PMPCA: variants seen among roughly 807,000 people sequenced by gnomAD.
The protein encoded by PMPCA is peptidase, mitochondrial processing subunit alpha.
Under a neutral mutation model 59.3 loss-of-function variants are expected in PMPCA, and 47 were observed. The ratio of observed to expected loss-of-function variants is 0.79; its 90% CI spans 0.63 to 1.01. PMPCA has a LOEUF of 1.01. PMPCA is among the 50% of genes least tolerant of loss of function. PMPCA has a pLI of 0.00. For missense variants in PMPCA, 726 were observed against 704.5 expected (o/e 1.03, Z -0.34); for synonymous variants, 338 against 290.3 (o/e 1.16, Z -1.67).
At chr9:136,419,633 A>G (rs1835390875) in intron 11 of PMPCA, 1 of 167,252 alleles carries the variant, frequency 6.0e-6, no homozygotes, top group Admixed American at 5.8e-5. Context: ...CCCAGGCTGG[A>G]GTGCAGTAGC....
At chr9:136,418,214 G>C in intron 8 of PMPCA, 105 bp downstream of exon 8, 1 of 834,534 alleles carries the variant, frequency 1.2e-6, no homozygotes, top group Non-Finnish European at 2.1e-6. Context: ...GATGGGGCGT[G>C]GGCGGCTCAG....
chr9:136,414,317 A>T (rs1210459536), intron 4 of PMPCA, among the ~76,000 whole-genome samples: 2 of 152,180 alleles, frequency 1.3e-5, no homozygotes, highest in African/African-American at 2.4e-5. Context: ...TCCCCGATGA[A>T]GGGTAGGAGG....
rs748168486 is a variant in PMPCA at position 136,412,111 on chromosome 9, G to A, written c.186G>A (p.Gln62=). 6.2e-7 allele frequency: 1 copy of A among 1,613,858 alleles called. No individual in the cohort carries two copies. The highest frequency in any genetic ancestry group is 1.1e-5 in the South Asian group (1 of 91,074). ...PKPVFATVDG[Q]EKFETKVTTL... Reference sequence around the variant, plus strand: ...CTGTTTTTGCTACAGTTGATGGACAGGAAAAGTTTGAAACCAAAGTAACCA... The same window carrying A: ...CTGTTTTTGCTACAGTTGATGGACAAGAAAAGTTTGAAACCAAAGTAACCA... The change falls in exon 2 of 13, where the codon CAG becomes CAA. Residue 62 remains glutamine (Q), a synonymous_variant. Transcript: ENST00000371717.
Position 136,412,474 on chromosome 9 carries a change from T to A in PMPCA, c.275-16T>A. On this transcript the variant is annotated splice_polypyrimidine_tract_variant and intron_variant, in intron 2 of 12. Transcript: ENST00000371717. ...GAATATCTGATGTAACCTGTCAATT[T>A]TCTTTTTACTACTAGTTCTTATCAA... The A allele has an allele frequency of 7.9e-7, 1 of 1,264,222 alleles. No individual in the cohort carries two copies. The highest frequency in any genetic ancestry group is 1.1e-6 in the Non-Finnish European group (1 of 876,680). 78.3% of individuals were successfully genotyped at this position (1,264,222 alleles called of 1,614,324 possible).
At chr9:136,419,232 G>A (rs757302206) in intron 11 of PMPCA, 126 bp downstream of exon 11, 3 of 903,908 alleles carry the variant, frequency 3.3e-6, no homozygotes, top group Non-Finnish European at 5.6e-6. Flanking sequence ...GGCAGGGCAG[G>A]GCAGGGCAGG....
intron 4 of PMPCA, 200 bp downstream of exon 4, chr9:136,413,092 C>G: frequency 1.9e-6 from 1 of 528,776 alleles, no homozygotes; most frequent in East Asian, 3.2e-5. Flanking sequence ...TGACCCCCGT[C>G]AGTTCCTCCA....
chr9:136,422,393 G>A (rs1054122329), intron 12 of PMPCA: 98 of 1,133,232 alleles, frequency 8.6e-5, no homozygotes, highest in Admixed American at 1.7e-4. Flanking sequence ...GGTTTCCGGG[G>A]CCCCCATGAG....
In PMPCA at chr9:136,423,517, G is replaced by C; in HGVS notation, c.*253G>C. On this transcript the variant is annotated 3_prime_UTR_variant, in exon 13 of 13. Transcript: ENST00000371717. ...AGCGCTGGAGTGCAGCGTGCCACGA[G>C]GAGGGCGGTCGGTGCTTCCCTCCTC... The C allele has an allele frequency of 2.1e-6, 1 of 468,516 alleles. No individual in the cohort carries two copies. The highest frequency in any genetic ancestry group is 3.9e-6 in the Non-Finnish European group (1 of 258,806). The allele number at this position is 468,516 out of a possible 1,614,324, so 29.0% of individuals were successfully genotyped here.
intron 1 of PMPCA, among the ~76,000 whole-genome samples, chr9:136,411,683 G>A (rs1835122194): frequency 6.6e-6 from 1 of 152,232 alleles, no homozygotes; most frequent in African/African-American, 2.4e-5. Flanking sequence ...GACTTCGGTG[G>A]TGCTGTTGGA....
intron 12 of PMPCA, chr9:136,422,498 T>C (rs1343891819): frequency 9.7e-7 from 1 of 1,030,396 alleles, no homozygotes; most frequent in Non-Finnish European, 1.2e-6. Flanking sequence ...AGGCTGCCTA[T>C]TACGTTGGGG....
chr9:136,415,365 C>T (rs1316655717), intron 5 of PMPCA, among the ~76,000 whole-genome samples: 2 of 152,336 alleles, frequency 1.3e-5, no homozygotes, highest in Non-Finnish European at 2.9e-5. Flanking sequence ...TCTTTGATTT[C>T]GGAAGGGCAC....
Position 136,412,753 on chromosome 9 carries a change from T to C in PMPCA, c.355-57T>C. The C allele has an allele frequency of 2.8e-6, 3 of 1,076,536 alleles. No individual in the cohort carries two copies. In the East Asian group the frequency reaches 7.1e-5, roughly 26 times the overall value. The allele number at this position is 1,076,536 out of a possible 1,614,324, so 66.7% of individuals were successfully genotyped here. On this transcript the variant is annotated intron_variant, in intron 3 of 12. Coordinates refer to ENST00000371717, the MANE Select transcript of PMPCA (RefSeq NM_015160.3). ...GCAAAAGTAGATTTTAAAAAAAAATTGTGTTTCAGGGATAGCCTGGATTGC... is the reference window on the plus strand; with the variant it reads ...GCAAAAGTAGATTTTAAAAAAAAATCGTGTTTCAGGGATAGCCTGGATTGC...
chr9:136,412,132 A>G lies in PMPCA; in HGVS notation c.207A>G (p.Val69=), dbSNP rs759273681. Residue 69 remains valine (V), a synonymous_variant, in exon 2 of 13, where the codon GTA becomes GTG. Coordinates refer to ENST00000371717, the MANE Select transcript of PMPCA (RefSeq NM_015160.3). Reference sequence around the variant, plus strand: ...GACAGGAAAAGTTTGAAACCAAAGTAACCACATTGGATAATGGGCTTCGCG... The same window carrying G: ...GACAGGAAAAGTTTGAAACCAAAGTGACCACATTGGATAATGGGCTTCGCG... ...VDGQEKFETK[V]TTLDNGLRVA... 1.2e-6 allele frequency: 2 copies of G among 1,613,854 alleles called. No individual in the cohort carries two copies. Among genetic ancestry groups the G allele is most frequent in the Non-Finnish European group, 1.7e-6 (2 of 1,179,710 alleles).
At chr9:136,418,788 G>A (rs1267969946) in intron 9 of PMPCA, 40 bp from the exon 10 acceptor site, 1 of 1,550,502 alleles carries the variant, frequency 6.4e-7, no homozygotes. Context: ...CCTGATCCTG[G>A]CGAGTCCCCT....
At chr9:136,411,107 T>A (rs1588804635) in intron 1 of PMPCA, 1 of 232,530 alleles carries the variant, frequency 4.3e-6, no homozygotes, top group African/African-American at 2.3e-5. Context: ...GACACCAGGG[T>A]CCAGGCTCTC....
chr9:136,422,031 G>T (rs776601996), intron 12 of PMPCA, 55 bp downstream of exon 12: 3 of 1,563,926 alleles, frequency 1.9e-6, no homozygotes, highest in Non-Finnish European at 2.6e-6. Context: ...AGGCTCAGAG[G>T]AGGCCGTCTC....
rs368853345 is a variant in PMPCA at position 136,410,673 on chromosome 9, C to G, written c.5C>G (p.Ala2Gly). The change falls in exon 1 of 13, where the codon GCG (alanine) becomes GGG (glycine). Residue 2 changes from alanine to glycine, a missense_variant. Physicochemically the swap from Ala to Gly is moderately conservative, Grantham distance 60 (BLOSUM62 0). Transcript: ENST00000371717. M[A>G]AVVLAATRLL... ...GAAGCGGGGCGGAGACGCAAGATGGCGGCTGTGGTGCTGGCGGCGACGCGG... is the reference window on the plus strand; with the variant it reads ...GAAGCGGGGCGGAGACGCAAGATGGGGGCTGTGGTGCTGGCGGCGACGCGG... The G allele has an allele frequency of 5.0e-6, 7 of 1,409,548 alleles. No individual in the cohort carries two copies. The highest frequency in any genetic ancestry group is 6.5e-6 in the Non-Finnish European group (7 of 1,083,286). The allele number at this position is 1,409,548 out of a possible 1,614,324, so 87.3% of individuals were successfully genotyped here.
Position 136,423,101 on chromosome 9 carries a change from T to C in PMPCA, c.1415T>C (p.Val472Ala), listed in dbSNP as rs780401832. ...CGTTTGCCCTCTGCACTAGGCAACG[T>C]GAAGCCGGAAGATGTGAAGAGAGTC... Reference protein sequence around the residue: ...PHELCTLIRNVKPEDVKRVAS... With the variant: ...PHELCTLIRNAKPEDVKRVAS... Residue 472 changes from valine (V) to alanine (A), a missense_variant, in exon 13 of 13, where the codon GTG (valine) becomes GCG (alanine). Coordinates refer to ENST00000371717, the MANE Select transcript of PMPCA (RefSeq NM_015160.3). 1.9e-6 allele frequency: 3 copies of C among 1,612,170 alleles called. No individual in the cohort carries two copies. The highest frequency in any genetic ancestry group is 1.1e-5 in the South Asian group (1 of 90,948).
At position 136,414,475 on chromosome 9, in the gene PMPCA, C is replaced by T. The variant is rs534750515; in HGVS notation, c.438-78C>T. 194 of 972,194 alleles carry T rather than the reference C, an allele frequency of 2.0e-4. 3 individuals carry two copies. The South Asian group carries it at 2.5e-3, about 12-fold the overall frequency. 60.2% of individuals were successfully genotyped at this position (972,194 alleles called of 1,614,324 possible). ...GGCCTGGCATTGTCCACCTGGCACGCAAAGCCCGAGCGTCCCCTGGCTGTT... is the reference window on the plus strand; with the variant it reads ...GGCCTGGCATTGTCCACCTGGCACGTAAAGCCCGAGCGTCCCCTGGCTGTT... On this transcript the variant is annotated intron_variant, in intron 4 of 12. Transcript: ENST00000371717.
Sources: allele counts gnomAD v4.1 joint callset (sites outside exome capture counted in the v4.1 genomes callset), GRCh38; gene constraint gnomAD v4.1.1; transcripts MANE v1.5; gene names NCBI Gene and HGNC (gene_info 2026-07-23, HGNC 2026-07-21).